The following ITCH variants were observed in gnomAD, a reference collection of about 807,000 sequenced individuals.
ITCH encodes itchy E3 ubiquitin protein ligase, also known as E3 ubiquitin-protein ligase Itchy homolog.
Under a neutral mutation model 126.8 loss-of-function variants are expected in ITCH, and 28 were observed. That is an observed-to-expected ratio of 0.22 (90% CI 0.16 to 0.30). The LOEUF (loss-of-function observed/expected upper bound fraction) is 0.30. Ranked by LOEUF, ITCH falls within the 10% of genes least tolerant of loss-of-function variation. ITCH has a pLI of 1.00. For missense variants in ITCH, 631 were observed against 1,032.4 expected (o/e 0.61, Z 5.33); for synonymous variants, 342 against 340.0 (o/e 1.01, Z -0.06).
intron 14 of ITCH, among the ~76,000 whole-genome samples, chr20:34,466,953 G>C (rs1018665872): frequency 6.6e-6 from 1 of 152,126 alleles, no homozygotes; most frequent in African/African-American, 2.4e-5. Flanking sequence ...ACTCAGTGAA[G>C]TGGAAAAGAA....
At chr20:34,399,929 A>T (rs555479304) in intron 3 of ITCH, among the ~76,000 whole-genome samples, 194 of 151,966 alleles carry the variant, frequency 1.3e-3, no homozygotes, top group Middle Eastern at 3.4e-3. Flanking sequence ...TTGACTAATT[A>T]AAAAAAATTG....
intron 4 of ITCH, among the ~76,000 whole-genome samples, chr20:34,411,707 A>G (rs1979064401): frequency 6.6e-6 from 1 of 152,162 alleles, no homozygotes; most frequent in Non-Finnish European, 1.5e-5. Context: ...AAATTCAAAC[A>G]TTTCTGGAAT....
Position 34,479,854 on chromosome 20 carries a change from G to T in ITCH, c.1818+65G>T, listed in dbSNP as rs1274625320. The stretch of plus-strand genomic sequence containing the variant: ...AGCAATACTAAATTTTCTCTTAGGT[G>T]CCATAACAGATCATATGAGAGAAAG... On this transcript the variant is annotated intron_variant, in intron 18 of 24. Coordinates refer to ENST00000374864, the MANE Select transcript of ITCH (RefSeq NM_031483.7). 5.1e-6 allele frequency: 7 copies of T among 1,371,182 alleles called. No individual in the cohort carries two copies. The Admixed American group carries it at 1.2e-4, about 23-fold the overall frequency. 84.9% of individuals were successfully genotyped at this position (1,371,182 alleles called of 1,614,324 possible). A position where few individuals can be genotyped will look rare whatever the true frequency, so the allele number is the denominator to read the frequency against.
At chr20:34,410,979 G>T (rs559438849) in intron 4 of ITCH, among the ~76,000 whole-genome samples, 1 of 152,210 alleles carries the variant, frequency 6.6e-6, no homozygotes, top group Admixed American at 6.5e-5. Flanking sequence ...CAGCAAATTG[G>T]CCTGGAATTT....
Position 34,508,070 on chromosome 20 carries a change from A to G in ITCH, c.*276A>G, listed in dbSNP as rs1271885577. 2.5e-6 allele frequency: 1 copy of G among 402,462 alleles called. No individual in the cohort carries two copies. The highest frequency in any genetic ancestry group is 4.7e-6 in the Non-Finnish European group (1 of 212,386). 24.9% of individuals were successfully genotyped at this position (402,462 alleles called of 1,614,324 possible). A position where few individuals can be genotyped will look rare whatever the true frequency, so the allele number is the denominator to read the frequency against. ...TCTTATTCCACTAGTTTATTCCTTT[A>G]ACAACAATATTTTATGTGTGTCAAA... On this transcript the variant is annotated 3_prime_UTR_variant, in exon 25 of 25. Coordinates refer to ENST00000374864, the MANE Select transcript of ITCH (RefSeq NM_031483.7).
Position 34,509,139 on chromosome 20 carries a change from A to G in ITCH, c.*1345A>G, listed in dbSNP as rs1489395331. Reference sequence around the variant, plus strand: ...AGGGTTTCCTTTTTTTCTCACGACTATTTAAGTTTAGATTGCTCCATTATT... The same window carrying G: ...AGGGTTTCCTTTTTTTCTCACGACTGTTTAAGTTTAGATTGCTCCATTATT... On this transcript the variant is annotated 3_prime_UTR_variant, in exon 25 of 25. Coordinates refer to ENST00000374864, the MANE Select transcript of ITCH (RefSeq NM_031483.7). 1.3e-5 allele frequency: 2 copies of G among 152,550 alleles called. No homozygotes were observed. The highest frequency in any genetic ancestry group is 6.6e-5 in the Admixed American group (1 of 15,262). The allele number at this position is 152,550 out of a possible 1,614,324, so 9.4% of individuals were successfully genotyped here.
chr20:34,392,864 G>A (rs1190307813), intron 2 of ITCH, among the ~76,000 whole-genome samples: 1 of 152,104 alleles, frequency 6.6e-6, no homozygotes, highest in Non-Finnish European at 1.5e-5. Context: ...GAAGCAGAAG[G>A]ACCCCCCCAG....
intron 6 of ITCH, among the ~76,000 whole-genome samples, chr20:34,423,920 G>C (rs932537245): frequency 3.3e-5 from 5 of 152,094 alleles, no homozygotes; most frequent in African/African-American, 1.2e-4. Context: ...CACTGTTACA[G>C]TAAAAAGATC....
chr20:34,481,727 C>T (rs1453086909), intron 20 of ITCH, among the ~76,000 whole-genome samples: 1 of 152,096 alleles, frequency 6.6e-6, no homozygotes, highest in African/African-American at 2.4e-5. Context: ...AAAACCTCAT[C>T]ATCGGCCAGG....
chr20:34,426,930 A>G (rs1981613414), intron 7 of ITCH, among the ~76,000 whole-genome samples: 1 of 151,692 alleles, frequency 6.6e-6, no homozygotes, highest in Non-Finnish European at 1.5e-5. Flanking sequence ...ACCCGCCACG[A>G]TGCCCAGCTA....
intron 3 of ITCH, among the ~76,000 whole-genome samples, chr20:34,394,229 AAAAC>A: frequency 6.6e-6 from 1 of 151,722 alleles, no homozygotes; most frequent in Non-Finnish European, 1.5e-5. Context: ...AAAAAAAAAA[AAAAC>A]TTAAGAGAAC....
chr20:34,505,646 G>A (rs1297584092), intron 24 of ITCH, among the ~76,000 whole-genome samples: 1 of 151,268 alleles, frequency 6.6e-6, no homozygotes, highest in Non-Finnish European at 1.5e-5. Flanking sequence ...TCTGCCTCCT[G>A]GGTTCAAGTG....
chr20:34,476,373 G>A lies in ITCH; in HGVS notation c.1570-1399G>A, dbSNP rs532626279. On this transcript the variant is annotated intron_variant, in intron 16 of 24. Coordinates refer to ENST00000374864, the MANE Select transcript of ITCH (RefSeq NM_031483.7). ...GTCCCCGGCTCCTCAGCAGGCCGCTGGCTCCAGCGCGGGACCCGGCGTGGT... is the reference window on the plus strand; with the variant it reads ...GTCCCCGGCTCCTCAGCAGGCCGCTAGCTCCAGCGCGGGACCCGGCGTGGT... 11,996 of 1,334,086 alleles carry A rather than the reference G, an allele frequency of 9.0e-3. 80 individuals are homozygous for A. The highest frequency in any genetic ancestry group is 0.011 in the Non-Finnish European group (10,942 of 1,027,758). 82.6% of individuals were successfully genotyped at this position (1,334,086 alleles called of 1,614,324 possible).
intron 2 of ITCH, among the ~76,000 whole-genome samples, chr20:34,389,297 C>T (rs951737920): frequency 7.9e-5 from 12 of 152,176 alleles, no homozygotes; most frequent in South Asian, 2.1e-4. Context: ...GGATTACGGA[C>T]GTGAGCCACT....
At chr20:34,507,190 A>G (rs1183972871) in intron 24 of ITCH, among the ~76,000 whole-genome samples, 2 of 146,528 alleles carry the variant, frequency 1.4e-5, no homozygotes, top group Admixed American at 6.9e-5. Context: ...ACTGCGTTAT[A>G]TTCCTACCTG....
chr20:34,400,680 C>G (rs1282263201), intron 3 of ITCH, among the ~76,000 whole-genome samples: 1 of 104,750 alleles, frequency 9.5e-6, no homozygotes, highest in African/African-American at 3.8e-5. Flanking sequence ...CAGTTTCGTT[C>G]TGTCGCCCAG....
intron 5 of ITCH, 109 bp from the exon 6 acceptor site, chr20:34,413,629 CATAT>C: frequency 1.1e-6 from 1 of 946,356 alleles, no homozygotes; most frequent in South Asian, 1.8e-5. Flanking sequence ...TTTATATGCA[CATAT>C]AGTTATATTT....
chr20:34,473,369 C>A (rs1987831630), intron 16 of ITCH, among the ~76,000 whole-genome samples: 1 of 152,158 alleles, frequency 6.6e-6, no homozygotes, highest in African/African-American at 2.4e-5. Flanking sequence ...GTCTTCCACA[C>A]ATATGTGGTA....
chr20:34,374,215 C>G (rs947076386), intron 2 of ITCH, among the ~76,000 whole-genome samples: 5 of 152,080 alleles, frequency 3.3e-5, no homozygotes, highest in African/African-American at 1.2e-4. Context: ...AGAGTAGGTT[C>G]TACAATTTTG....
Sources: allele counts gnomAD v4.1 joint callset (sites outside exome capture counted in the v4.1 genomes callset), GRCh38; gene constraint gnomAD v4.1.1; transcripts MANE v1.5; gene names NCBI Gene and HGNC (gene_info 2026-07-23, HGNC 2026-07-21).